The following CCDC39 variants were observed in gnomAD, a reference collection of about 807,000 sequenced individuals.
CCDC39 encodes coiled-coil domain 39 molecular ruler complex subunit.
Under a neutral mutation model 121.0 loss-of-function variants are expected in CCDC39, and 113 were observed. The ratio of observed to expected loss-of-function variants is 0.93; its 90% CI spans 0.80 to 1.09. The LOEUF is 1.09. Among genes scored for constraint, CCDC39 ranks in the 50% least tolerant of loss-of-function variants. The probability of loss-of-function intolerance (pLI) is 0.00; values close to 1 mark genes in which losing one functional copy is unlikely to be tolerated. For missense variants in CCDC39, 1,063 were observed against 1,074.7 expected (o/e 0.99, Z 0.15); for synonymous variants, 349 against 352.2 (o/e 0.99, Z 0.10).
intron 7 of CCDC39, among the ~76,000 whole-genome samples, chr3:180,652,867 C>A (rs1576946378): frequency 5.3e-5 from 8 of 152,078 alleles, no homozygotes; most frequent in South Asian, 4.2e-4. Context: ...TTACAACAAG[C>A]AATCCAAAAA....
Position 180,631,539 on chromosome 3 carries a change from T to C in CCDC39, c.1928A>G (p.Glu643Gly). The C allele has an allele frequency of 6.2e-7, 1 of 1,609,362 alleles. No individual in the cohort carries two copies. The highest frequency in any genetic ancestry group is 8.5e-7 in the Non-Finnish European group (1 of 1,179,056). Residue 643 changes from glutamate to glycine, a missense_variant, in exon 14 of 20, where the codon GAA becomes GGA. Physicochemically the swap from Glu to Gly is moderately conservative, Grantham distance 98. Transcript: ENST00000476379. ...SKIEKLKNRYEILTVVMLPPE... is the reference protein window; with the variant it reads ...SKIEKLKNRYGILTVVMLPPE... ...AGGCAGCATAACAACAGTCAGAATTTCATATCTATTCTTCAGCTTCTCAAT... is the reference window on the plus strand; with the variant it reads ...AGGCAGCATAACAACAGTCAGAATTCCATATCTATTCTTCAGCTTCTCAAT...
In CCDC39 at chr3:180,616,637, T is replaced by G. The variant is rs1323711952; in HGVS notation, c.2465A>C (p.Glu822Ala). The change falls in exon 18 of 20, where the codon GAA becomes GCA. Residue 822 changes from glutamate (E) to alanine (A), a missense_variant. By Grantham distance (107) the Glu-to-Ala change is moderately radical. Transcript: ENST00000476379. ...TTCACGAAGTTTGATGTCTTGTTCTTCCATTGTTTCATCTTTTGTGTCTTT... is the reference window on the plus strand; with the variant it reads ...TTCACGAAGTTTGATGTCTTGTTCTGCCATTGTTTCATCTTTTGTGTCTTT... ...LLKDTKDETM[E>A]EQDIKLREMK... is the part of the protein sequence containing the mutation. 6.3e-7 allele frequency: 1 copy of G among 1,595,174 alleles called. No individual in the cohort carries two copies. The highest frequency in any genetic ancestry group is 1.1e-5 in the South Asian group (1 of 88,666).
intron 1 of CCDC39, among the ~76,000 whole-genome samples, chr3:180,665,875 T>C (rs1183235153): frequency 1.3e-5 from 2 of 152,080 alleles, no homozygotes; most frequent in Admixed American, 1.3e-4. Context: ...TAATCTATTA[T>C]AAATTCTATT....
In CCDC39 at chr3:180,644,242, T is replaced by A; in HGVS notation, c.1543A>T (p.Ile515Phe). The A allele has an allele frequency of 6.6e-7, 1 of 1,523,584 alleles. No individual in the cohort carries two copies. The highest frequency in any genetic ancestry group is 8.8e-7 in the Non-Finnish European group (1 of 1,135,738). The allele number at this position is 1,523,584 out of a possible 1,614,324, so 94.4% of individuals were successfully genotyped here. The change falls in exon 12 of 20, where the codon ATC becomes TTC. Residue 515 changes from isoleucine to phenylalanine, a missense_variant. Physicochemically the swap from Ile to Phe is conservative, Grantham distance 21. Transcript: ENST00000476379. ...CTGTTTTTACTATGTGCCTTCTTGA[T>A]AAAATAAAGATCATTCTGCAAAAAA... ...IKKLHNDLYF[I>F]KKAHSKNSDE...
Position 180,679,480 on chromosome 3 carries a change from G to A in CCDC39, c.-100C>T. On this transcript the variant is annotated 5_prime_UTR_variant, in exon 1 of 20. Transcript: ENST00000476379. This position sits in a 1 kb window ranked among gnomAD's most constrained non-coding sequence, Gnocchi z 4.0. ...AGCCCAGGCACCTGCACAGTGCCGCGGCAATTGCCGGGGGAGCCCTAGCAA... is the reference window on the plus strand; with the variant it reads ...AGCCCAGGCACCTGCACAGTGCCGCAGCAATTGCCGGGGGAGCCCTAGCAA... The A allele has an allele frequency of 8.9e-7, 1 of 1,118,002 alleles. No individual in the cohort carries two copies. Among genetic ancestry groups the A allele is most frequent in the Non-Finnish European group, 1.4e-6 (1 of 728,768 alleles). The allele number at this position is 1,118,002 out of a possible 1,614,324, so 69.3% of individuals were successfully genotyped here.
intron 11 of CCDC39, among the ~76,000 whole-genome samples, chr3:180,644,659 T>A (rs1379200653): frequency 6.6e-6 from 1 of 152,230 alleles, no homozygotes; most frequent in Non-Finnish European, 1.5e-5. Flanking sequence ...TCTACACACA[T>A]CTTCCTGTAT....
chr3:180,626,706 CTCTCAGGTGAGGT>C (rs2108410323), intron 14 of CCDC39, among the ~76,000 whole-genome samples: 1 of 152,264 alleles, frequency 6.6e-6, no homozygotes, highest in South Asian at 2.1e-4. Context: ...TGCAGGGTTC[CTCTCAGGTGAGGT>C]GCTCAGGTGG....
intron 13 of CCDC39, among the ~76,000 whole-genome samples, chr3:180,632,168 G>C (rs1161086811): frequency 6.6e-6 from 1 of 152,206 alleles, no homozygotes; most frequent in African/African-American, 2.4e-5. Flanking sequence ...ACTACCTCTA[G>C]TTTCTGAGGC....
chr3:180,673,360 A>T (rs1473500498), intron 1 of CCDC39, among the ~76,000 whole-genome samples: 1 of 152,200 alleles, frequency 6.6e-6, no homozygotes, highest in Non-Finnish European at 1.5e-5. Context: ...TATTTTTAAA[A>T]ATTGGCACAG....
chr3:180,618,333 T>A (rs1717325576), intron 16 of CCDC39, among the ~76,000 whole-genome samples: 1 of 152,186 alleles, frequency 6.6e-6, no homozygotes, highest in African/African-American at 2.4e-5. Context: ...ATTGAAATCA[T>A]GGAATCTGCA....
Position 180,644,277 on chromosome 3 carries a change from T to C in CCDC39, c.1528-20A>G. 7.0e-7 allele frequency: 1 copy of C among 1,423,306 alleles called. No homozygotes were observed. 88.2% of individuals were successfully genotyped at this position (1,423,306 alleles called of 1,614,324 possible). On this transcript the variant is annotated intron_variant, in intron 11 of 19. Transcript: ENST00000476379. ...ATCATTCTGCAAAAAAGAAAAAAGG[T>C]ATATAAATGTATGTTTTAAATATTG... is the stretch of plus-strand genomic sequence containing the variant.
At chr3:180,657,652 T>C (rs1410350287) in intron 6 of CCDC39, among the ~76,000 whole-genome samples, 1 of 152,242 alleles carries the variant, frequency 6.6e-6, no homozygotes, top group East Asian at 1.9e-4. Flanking sequence ...CAGCAGATAC[T>C]ATAACCCACA....
At position 180,631,704 on chromosome 3, in the gene CCDC39, C is replaced by A. The variant is rs2108413233; in HGVS notation, c.1875-112G>T. 5 of 856,228 alleles carry A rather than the reference C, an allele frequency of 5.8e-6. No homozygotes were observed. The South Asian group carries it at 6.6e-5, about 11-fold the overall frequency. 53.0% of individuals were successfully genotyped at this position (856,228 alleles called of 1,614,324 possible). On this transcript the variant is annotated intron_variant, in intron 13 of 19. Transcript: ENST00000476379. ...GATTTGTGTTACTACTAAACTCAAA[C>A]AGGTTAAATTTGTTCTCACGTTTTA...
chr3:180,661,325 A>G (rs1711737311), intron 3 of CCDC39, among the ~76,000 whole-genome samples: 2 of 152,218 alleles, frequency 1.3e-5, no homozygotes, highest in Middle Eastern at 3.4e-3. Context: ...GTAATTATAC[A>G]CAAAGATTAC....
chr3:180,655,017 T>TA, intron 6 of CCDC39, 64 bp from the exon 7 acceptor site: 1 of 1,088,992 alleles, frequency 9.2e-7, no homozygotes, highest in Non-Finnish European at 1.2e-6. Context: ...AAAAGGAATT[T>TA]AGTTTCTATT....
At chr3:180,656,084 A>G (rs1206408963) in intron 6 of CCDC39, among the ~76,000 whole-genome samples, 1 of 152,182 alleles carries the variant, frequency 6.6e-6, no homozygotes, top group Non-Finnish European at 1.5e-5. Context: ...GGAAATTTTA[A>G]AGTTGTTTAG....
chr3:180,616,222 G>A, intron 19 of CCDC39, 59 bp downstream of exon 19: 1 of 1,435,642 alleles, frequency 7.0e-7, no homozygotes, highest in Non-Finnish European at 9.8e-7. Context: ...GAAGTGGCTG[G>A]AATCACTTAG....
rs188183242 is a variant in CCDC39 at position 180,654,753 on chromosome 3, T to A, written c.930+9A>T. 7 of 1,590,446 alleles carry A rather than the reference T, an allele frequency of 4.4e-6. No individual in the cohort carries two copies. In the East Asian group the frequency reaches 1.6e-4, roughly 36 times the overall value. The stretch of plus-strand genomic sequence containing the variant: ...AACATACAAGCCAGTCTTTTTTGAG[T>A]TGACATACCTCACCCTTCAGCTGAA... On this transcript the variant is annotated intron_variant, in intron 7 of 19. Transcript: ENST00000476379.
intron 8 of CCDC39, among the ~76,000 whole-genome samples, chr3:180,651,945 G>A (rs1711500501): frequency 6.6e-6 from 1 of 151,964 alleles, no homozygotes; most frequent in South Asian, 2.1e-4. Flanking sequence ...ACTGAGGCAG[G>A]AAAATGGTGT....
Sources: allele counts gnomAD v4.1 joint callset (sites outside exome capture counted in the v4.1 genomes callset), GRCh38; gene constraint gnomAD v4.1.1; non-coding constraint Gnocchi (gnomAD v3.1); transcripts MANE v1.5; gene names NCBI Gene and HGNC (gene_info 2026-07-23, HGNC 2026-07-21).